Variants in LUZP2 observed in about 807,000 individuals in gnomAD.
LUZP2 encodes the protein leucine zipper protein 2.
LUZP2 carries 52 observed loss-of-function variants against 51.6 expected under a neutral mutation model. The ratio of observed to expected loss-of-function variants is 1.01; its 90% CI spans 0.81 to 1.27. The LOEUF is 1.27. LUZP2 is among the 50% of genes most tolerant of loss of function. The pLI is 0.00. For missense variants in LUZP2, 436 were observed against 395.4 expected (o/e 1.10, Z -0.87); for synonymous variants, 154 against 137.3 (o/e 1.12, Z -0.85).
Position 25,014,379 on chromosome 11 carries a change from C to G in LUZP2, c.765+31086C>G, listed in dbSNP as rs563375473. 2.0e-3 allele frequency among the ~76,000 whole-genome samples: 310 copies of G among 152,242 alleles called. 1 individual carries two copies. Among genetic ancestry groups the G allele is most frequent in the Non-Finnish European group, 2.4e-3 (164 of 67,988 alleles). ...ACAGTCCCACCAACAGTGTAAAAGT[C>G]TTCCTATTTCTCCACATCCTCTCCA... On this transcript the variant is annotated intron_variant, in intron 9 of 11. Transcript: ENST00000336930.
At chr11:24,866,100 G>A (rs73442315) in intron 5 of LUZP2, among the ~76,000 whole-genome samples, 38,714 of 148,236 alleles carry the variant, frequency 0.26, 5,354 homozygotes, top group African/African-American at 0.35. Flanking sequence ...TGAGTCTCCC[G>A]GCCTGCATTT....
At chr11:24,715,051 T>C (rs944077822) in intron 1 of LUZP2, among the ~76,000 whole-genome samples, 10 of 151,922 alleles carry the variant, frequency 6.6e-5, no homozygotes, top group African/African-American at 2.4e-4. Context: ...ACCTGAGGAG[T>C]TGCTTAGGTA....
intron 1 of LUZP2, among the ~76,000 whole-genome samples, chr11:24,637,111 A>G (rs1855131717): frequency 1.3e-5 from 2 of 151,838 alleles, no homozygotes; most frequent in Admixed American, 1.3e-4. Context: ...CTATAAAACA[A>G]AAATTGTAGA....
At chr11:25,069,374 TAAATCACATG>T (rs1273636287) in intron 10 of LUZP2, among the ~76,000 whole-genome samples, 2 of 152,066 alleles carry the variant, frequency 1.3e-5, no homozygotes, top group East Asian at 3.9e-4. Flanking sequence ...ATATGAGAAT[TAAATCACATG>T]AAATATACAT....
At chr11:24,724,520 G>A (rs917660756) in intron 1 of LUZP2, among the ~76,000 whole-genome samples, 7 of 152,078 alleles carry the variant, frequency 4.6e-5, no homozygotes, top group African/African-American at 9.7e-5. Flanking sequence ...GCAGTAAGCC[G>A]AGATCATGCC....
chr11:25,010,641 T>C (rs1856955990), intron 9 of LUZP2, among the ~76,000 whole-genome samples: 1 of 151,922 alleles, frequency 6.6e-6, no homozygotes. Context: ...TTGAGATCAG[T>C]AGTTCAAGAC....
At chr11:24,894,347 G>C (rs1055184178) in intron 5 of LUZP2, among the ~76,000 whole-genome samples, 22 of 152,036 alleles carry the variant, frequency 1.4e-4, no homozygotes, top group African/African-American at 4.8e-4. Flanking sequence ...GCTAATTTTT[G>C]TATTTTTAGT....
At chr11:24,516,714 G>A (rs1486066000) in intron 1 of LUZP2, among the ~76,000 whole-genome samples, 1 of 152,152 alleles carries the variant, frequency 6.6e-6, no homozygotes, top group Admixed American at 6.5e-5. Context: ...GGTCTTTCCT[G>A]GTGCTGTGTA....
intron 5 of LUZP2, among the ~76,000 whole-genome samples, chr11:24,863,299 A>G (rs1429018584): frequency 2.6e-5 from 4 of 152,206 alleles, no homozygotes; most frequent in Non-Finnish European, 5.9e-5. Flanking sequence ...GTGGAAGCAA[A>G]CCAAATGTCC....
chr11:24,602,283 C>A lies in LUZP2; in HGVS notation c.62+104978C>A, dbSNP rs992790872. ...ACATATATGTACATACATATATACA[C>A]ACATATATATGTACATACATATATA... On this transcript the variant is annotated intron_variant, in intron 1 of 11. Transcript: ENST00000336930. Among the ~76,000 whole-genome samples the A allele has an allele frequency of 3.6e-3, 353 of 97,276 alleles. 1 individual carries two copies. The highest frequency in any genetic ancestry group is 6.8e-3 in the African/African-American group (156 of 22,830). The allele number at this position is 97,276 out of a possible 152,430, so 63.8% of individuals were successfully genotyped here.
At chr11:24,738,744 A>C (rs570377492) in intron 4 of LUZP2, among the ~76,000 whole-genome samples, 1 of 152,204 alleles carries the variant, frequency 6.6e-6, no homozygotes, top group Admixed American at 6.6e-5. Context: ...GCATCCCCAA[A>C]GTTGATGAAT....
intron 5 of LUZP2, among the ~76,000 whole-genome samples, chr11:24,797,447 A>G (rs1316294404): frequency 6.6e-6 from 1 of 152,186 alleles, no homozygotes; most frequent in East Asian, 1.9e-4. Flanking sequence ...TCCTAGAAAC[A>G]ATTTTGCAAG....
At chr11:24,679,946 T>C (rs888848804) in intron 1 of LUZP2, among the ~76,000 whole-genome samples, 12 of 152,186 alleles carry the variant, frequency 7.9e-5, no homozygotes, top group Admixed American at 6.5e-4. Flanking sequence ...TGCTGAGCGA[T>C]GAAGTGCTAT....
intron 1 of LUZP2, among the ~76,000 whole-genome samples, chr11:24,543,692 G>T (rs1851449403): frequency 6.6e-6 from 1 of 151,750 alleles, no homozygotes; most frequent in Non-Finnish European, 1.5e-5. Context: ...ATGGTGGTGC[G>T]TGACTGTAAT....
rs1453938954 is a variant in LUZP2, at chr11:24,766,041, G to A, written c.396+2733G>A. On this transcript the variant is annotated intron_variant, in intron 5 of 11. Transcript: ENST00000336930. ...CTCCTAAAATGCTGGGATTACAGGAGTAAACCACCATGCCCTGCCAATCAG... is the reference window on the plus strand; with the variant it reads ...CTCCTAAAATGCTGGGATTACAGGAATAAACCACCATGCCCTGCCAATCAG... Among the ~76,000 whole-genome samples the A allele has an allele frequency of 5.3e-5, 8 of 152,240 alleles. No individual in the cohort carries two copies. The South Asian group carries it at 1.5e-3, about 28-fold the overall frequency.
intron 1 of LUZP2, among the ~76,000 whole-genome samples, chr11:24,535,175 G>C (rs771882400): frequency 7.9e-5 from 12 of 150,954 alleles, no homozygotes; most frequent in Non-Finnish European, 1.6e-4. Flanking sequence ...CTAGATTTCA[G>C]CAATTCCTAA....
chr11:24,930,557 C>T (rs1286713024), intron 7 of LUZP2, among the ~76,000 whole-genome samples: 1 of 152,126 alleles, frequency 6.6e-6, no homozygotes, highest in Non-Finnish European at 1.5e-5. Context: ...GAACCCCAAT[C>T]CCTCCTAGGT....
chr11:24,722,226 G>T (rs988552205), intron 1 of LUZP2, among the ~76,000 whole-genome samples: 1 of 152,086 alleles, frequency 6.6e-6, no homozygotes, highest in East Asian at 1.9e-4. Context: ...TATTAATTTG[G>T]TCTATATTTG....
chr11:25,014,577 G>A (rs1457987993), intron 9 of LUZP2, among the ~76,000 whole-genome samples: 27 of 152,166 alleles, frequency 1.8e-4, no homozygotes, highest in South Asian at 2.1e-4. Flanking sequence ...CATATCCTTC[G>A]CCCACTTGTT....
Sources: allele counts gnomAD v4.1 joint callset (sites outside exome capture counted in the v4.1 genomes callset), GRCh38; gene constraint gnomAD v4.1.1; transcripts MANE v1.5; gene names NCBI Gene and HGNC (gene_info 2026-07-23, HGNC 2026-07-21).